MATK: variants seen among roughly 807,000 people sequenced by gnomAD.
The protein encoded by MATK is megakaryocyte-associated tyrosine kinase.
In MATK, 41 loss-of-function variants were observed where a neutral mutation model predicts 59.8. That is an observed-to-expected ratio of 0.69 (90% CI 0.53 to 0.89). The LOEUF is 0.89. MATK is among the 40% of genes least tolerant of loss of function. MATK has a pLI of 0.00. For synonymous variants in MATK, 308 were observed against 306.1 expected, an observed-to-expected ratio of 1.01 and a Z score of -0.06; for missense variants, 593 against 719.6, an observed-to-expected ratio of 0.82 and a Z score of 2.01.
upstream of MATK, among the ~76,000 whole-genome samples, chr19:3,789,585 T>C (rs1207786650): frequency 6.6e-6 from 1 of 152,196 alleles, no homozygotes; most frequent in East Asian, 1.9e-4. Flanking sequence ...GGAGCTCCCC[T>C]GACTGGGTGG....
In MATK at chr19:3,778,254, C is replaced by A. The variant is rs2037345722; in HGVS notation, c.1453G>T (p.Ala485Ser). The A allele has an allele frequency of 6.3e-7, 1 of 1,576,944 alleles. No individual in the cohort carries two copies. The highest frequency in any genetic ancestry group is 1.4e-5 in the African/African-American group (1 of 72,628). The part of the protein sequence containing the change: ...AEKLARELRS[A>S]GAPASVSGQD... ...CCTGAGACGGAGGCTGGGGCACCTG[C>A]ACTGCGTAGCTCCCGGGCCAGCTTC... Residue 485 changes from alanine to serine, a missense_variant, in exon 14 of 14, where the codon GCA becomes TCA. By Grantham distance (99) the Ala-to-Ser change is moderately conservative (BLOSUM62 1). Transcript: ENST00000310132.
Position 3,786,259 on chromosome 19 carries a change from G to A in MATK, c.-242C>T, listed in dbSNP as rs1331890163. ...TGCACACCCCGAGGCGGTCCCGGCT[G>A]CACAACTTGGAGCGAGTTGCTCCGT... On this transcript the variant is annotated 5_prime_UTR_variant, in exon 1 of 14. The change creates a premature stop within an existing upstream ORF in the 5' untranslated region. Transcript: ENST00000310132. The surrounding 1 kb of genome is among the most constrained non-coding windows in gnomAD (Gnocchi z 4.1). 24 of 985,276 alleles carry A rather than the reference G, an allele frequency of 2.4e-5. No individual in the cohort carries two copies. The highest frequency in any genetic ancestry group is 2.9e-5 in the Non-Finnish European group (24 of 829,876). The allele number at this position is 985,276 out of a possible 1,614,324, so 61.0% of individuals were successfully genotyped here. A position where few individuals can be genotyped will look rare whatever the true frequency, so the allele number is the denominator to read the frequency against.
chr19:3,779,705 C>T lies in MATK; in HGVS notation c.835G>A (p.Val279Ile), dbSNP rs1260174266. The T allele has an allele frequency of 1.1e-5, 17 of 1,612,836 alleles. No individual in the cohort carries two copies. The highest frequency in any genetic ancestry group is 1.3e-5 in the African/African-American group (1 of 74,882). ...CCCCACCCTGGGACTCACGTCATGA[C>T]GGCCGTCTCGTCCAGGAAGGCCTGG... ...TAQAFLDETA[V>I]MTKMQHENLV... Residue 279 changes from valine to isoleucine, a missense_variant, in exon 9 of 14, where the codon GTC becomes ATC. Physicochemically the swap from Val to Ile is conservative, Grantham distance 29. Transcript: ENST00000310132.
Position 3,779,815 on chromosome 19 carries a change from G to A in MATK, c.743-18C>T. 1 of 1,498,644 alleles carries A rather than the reference G, an allele frequency of 6.7e-7. No individual in the cohort carries two copies. Among genetic ancestry groups the A allele is most frequent in the Non-Finnish European group, 9.3e-7 (1 of 1,076,082 alleles). 92.8% of individuals were successfully genotyped at this position (1,498,644 alleles called of 1,614,324 possible). A position where few individuals can be genotyped will look rare whatever the true frequency, so the allele number is the denominator to read the frequency against. On this transcript the variant is annotated intron_variant, in intron 8 of 13. Transcript: ENST00000310132. ...CAGGACAGCTGGGGGGTGGGGGTGG[G>A]GAACGGGGTGAGATCAGGACCCCCA...
chr19:3,779,189 T>TG lies in MATK; in HGVS notation c.1002-3dup. 6.3e-7 allele frequency: 1 copy of TG among 1,582,562 alleles called. No individual in the cohort carries two copies. The highest frequency in any genetic ancestry group is 8.6e-7 in the Non-Finnish European group (1 of 1,163,668). On this transcript the variant is annotated splice_polypyrimidine_tract_variant and splice_region_variant and intron_variant, in intron 11 of 13. Coordinates refer to ENST00000310132, the MANE Select transcript of MATK (RefSeq NM_139355.3). ...TACTCCATGCCCTCGGCCACGTGCC[T>TG]GGGGGTAGTAGGGGGCAGTGGGGGC...
At chr19:3,789,571 G>A (rs114503289), upstream of MATK, among the ~76,000 whole-genome samples, 2,448 of 152,248 alleles carry the variant, frequency 0.016, 64 homozygotes, top group African/African-American at 0.055. Context: ...GCTGGCTGGG[G>A]CAGGGAGCTC....
upstream of MATK, chr19:3,789,455 C>T (rs896806810): frequency 1.6e-5 from 9 of 579,406 alleles, no homozygotes; most frequent in Admixed American, 6.5e-5. Context: ...CCCAGGGCTC[C>T]GGGCAGGAGG....
At chr19:3,783,715 G>A in intron 6 of MATK, 99 bp downstream of exon 6, 2 of 1,097,144 alleles carry the variant, frequency 1.8e-6, no homozygotes, top group South Asian at 1.5e-5. Flanking sequence ...AAGGGATGGA[G>A]GTCAGGTGAC....
chr19:3,782,716 C>T, intron 7 of MATK: 2 of 223,324 alleles, frequency 9.0e-6, no homozygotes, highest in South Asian at 1.4e-4. Flanking sequence ...TGAGGCTGCA[C>T]TCAAGGCCTG....
At chr19:3,794,601 G>C (rs979865450) in intron 1 of MATK, among the ~76,000 whole-genome samples, 32 of 152,194 alleles carry the variant, frequency 2.1e-4, no homozygotes, top group Non-Finnish European at 3.5e-4. Flanking sequence ...GCTGCAGTCA[G>C]CTATGATTAT....
chr19:3,778,602 G>A lies in MATK; in HGVS notation c.1198-7C>T. ...CCGACTTGCTGGTGAACTTCTGTGG[G>A]GCCCGAGACGGGGGTGAGGAGGGAC... On this transcript the variant is annotated splice_polypyrimidine_tract_variant and splice_region_variant and intron_variant, in intron 12 of 13. Coordinates refer to ENST00000310132, the MANE Select transcript of MATK (RefSeq NM_139355.3). 1 of 1,606,624 alleles carries A rather than the reference G, an allele frequency of 6.2e-7. No homozygotes were observed. Among genetic ancestry groups the A allele is most frequent in the Non-Finnish European group, 8.5e-7 (1 of 1,176,690 alleles).
At position 3,778,204 on chromosome 19, in the gene MATK, C is replaced by G. The variant is rs376632933; in HGVS notation, c.1503G>C (p.Ser501=). The part of the protein sequence containing the change: ...VSGQDADGST[S]PRSQEP ...GGGGTCAGGGCTCCTGGCTTCGGGGCGAGGTGGAGCCGTCGGCGTCCTGCC... is the reference window on the plus strand; with the variant it reads ...GGGGTCAGGGCTCCTGGCTTCGGGGGGAGGTGGAGCCGTCGGCGTCCTGCC... Residue 501 remains serine (S), a synonymous_variant, in exon 14 of 14, where the codon TCG becomes TCC. Coordinates refer to ENST00000310132, the MANE Select transcript of MATK (RefSeq NM_139355.3). 6.4e-7 allele frequency: 1 copy of G among 1,563,218 alleles called. No homozygotes were observed. The highest frequency in any genetic ancestry group is 2.2e-5 in the Admixed American group (1 of 45,750).
intron 1 of MATK, among the ~76,000 whole-genome samples, chr19:3,794,143 C>G (rs954088568): frequency 6.6e-6 from 1 of 152,186 alleles, no homozygotes; most frequent in Non-Finnish European, 1.5e-5. Flanking sequence ...CCTGGCCACC[C>G]CACAGTGGTC....
chr19:3,778,661 C>G, intron 12 of MATK, 66 bp from the exon 13 acceptor site: 1 of 1,499,764 alleles, frequency 6.7e-7, no homozygotes, highest in Non-Finnish European at 9.1e-7. Flanking sequence ...CCTGCTTCCT[C>G]CAGGAAGCCC....
rs773709945 is a variant in MATK, at chr19:3,784,124, G to A, written c.362C>T (p.Pro121Leu). 11 of 1,606,712 alleles carry A rather than the reference G, an allele frequency of 6.8e-6. No homozygotes were observed. Among genetic ancestry groups the A allele is most frequent in the African/African-American group, 4.0e-5 (3 of 74,834 alleles). ...LSADPKLSLM[P>L]WFHGKISGQE... is the part of the protein sequence containing the mutation. ...CCAGGCCCCTGTCCTGCCCACTCAC[G>A]GCATGAGGCTGAGCTTGGGGTCTGC... is the stretch of plus-strand genomic sequence containing the variant. Residue 121 changes from proline to leucine, a missense_variant and splice_region_variant, in exon 5 of 14, where the codon CCG becomes CTG. By Grantham distance (98) the Pro-to-Leu change is moderately conservative (BLOSUM62 -3). Coordinates refer to ENST00000310132, the MANE Select transcript of MATK (RefSeq NM_139355.3).
rs2037469422 is a variant in MATK at position 3,785,465 on chromosome 19, C to A, written c.-151-179G>T. On this transcript the variant is annotated intron_variant, in intron 1 of 13. Transcript: ENST00000310132. Reference sequence around the variant, plus strand: ...CAAACCCAGGACAGACACACAAAGTCACTCATTGCTGCAGGGGTGGGGGAG... The same window carrying A: ...CAAACCCAGGACAGACACACAAAGTAACTCATTGCTGCAGGGGTGGGGGAG... 4 of 404,504 alleles carry A rather than the reference C, an allele frequency of 9.9e-6. No homozygotes were observed. The Admixed American group carries it at 1.5e-4, about 16-fold the overall frequency. 25.1% of individuals were successfully genotyped at this position (404,504 alleles called of 1,614,324 possible).
intron 12 of MATK, 59 bp downstream of exon 12, chr19:3,778,933 T>G (rs969037057): frequency 2.5e-5 from 36 of 1,466,678 alleles, no homozygotes; most frequent in Non-Finnish European, 3.1e-5. Context: ...ATACCCAGGG[T>G]CATACAGCAG....
At position 3,784,222 on chromosome 19, in the gene MATK, G is replaced by C; in HGVS notation, c.264C>G (p.Arg88=). 1 of 1,612,982 alleles carries C rather than the reference G, an allele frequency of 6.2e-7. No individual in the cohort carries two copies. The highest frequency in any genetic ancestry group is 1.3e-5 in the African/African-American group (1 of 75,044). Residue 88 remains arginine, a synonymous_variant, in exon 5 of 14, where the codon CGC becomes CGG. Transcript: ENST00000310132. ...LEACENKSWY[R]VKHHTSGQEG... The stretch of plus-strand genomic sequence containing the variant: ...CCTGTCCACTGGTGTGGTGCTTGAC[G>C]CGGTACCAGCTCTTGTTCTGCCAGG...
rs369996511 is a variant in MATK at position 3,778,246 on chromosome 19, G to A, written c.1461C>T (p.Ala487=). 99 of 1,576,460 alleles carry A rather than the reference G, an allele frequency of 6.3e-5. No homozygotes were observed. The highest frequency in any genetic ancestry group is 2.6e-4 in the African/African-American group (19 of 72,670). ...KLARELRSAG[A]PASVSGQDAD... ...CGTCCTGCCCTGAGACGGAGGCTGG[G>A]GCACCTGCACTGCGTAGCTCCCGGG... Residue 487 remains alanine, a synonymous_variant, in exon 14 of 14, where the codon GCC becomes GCT. Transcript: ENST00000310132.
Sources: allele counts gnomAD v4.1 joint callset (sites outside exome capture counted in the v4.1 genomes callset), GRCh38; gene constraint gnomAD v4.1.1; non-coding constraint Gnocchi (gnomAD v3.1); transcripts MANE v1.5; gene names NCBI Gene and HGNC (gene_info 2026-07-23, HGNC 2026-07-21).